PPHLN1: variants seen among roughly 807,000 people sequenced by gnomAD.
PPHLN1 encodes periphilin-1.
PPHLN1 carries 29 observed loss-of-function variants against 51.3 expected under a neutral mutation model. The ratio of observed to expected loss-of-function variants is 0.57; its 90% CI spans 0.42 to 0.77. PPHLN1 has a LOEUF of 0.77. Ranked by LOEUF, PPHLN1 falls within the 30% of genes least tolerant of loss-of-function variation. PPHLN1 has a pLI of 0.00. For missense variants in PPHLN1, 436 were observed against 438.4 expected (o/e 0.99, Z 0.05); for synonymous variants, 147 against 147.8 (o/e 0.99, Z 0.04).
At chr12:42,445,240 A>G (rs530036317), downstream of PPHLN1, 17 of 620,520 alleles carry the variant, frequency 2.7e-5, no homozygotes, top group East Asian at 4.9e-4. Context: ...TCACTGCTTA[A>G]CCAAGCCACC....
chr12:42,426,114 T>G (rs1008680684), intron 9 of PPHLN1, among the ~76,000 whole-genome samples: 4 of 151,086 alleles, frequency 2.6e-5, no homozygotes, highest in African/African-American at 9.8e-5. Flanking sequence ...TAATCCACGT[T>G]TCAAATTTCA....
chr12:42,328,808 C>T (rs1017404886), intron 1 of PPHLN1, among the ~76,000 whole-genome samples: 11 of 152,076 alleles, frequency 7.2e-5, no homozygotes, highest in African/African-American at 2.4e-4. Flanking sequence ...CTCCCAGGTT[C>T]AAGGGATTCT....
chr12:42,347,618 A>C (rs1315330314), intron 2 of PPHLN1, among the ~76,000 whole-genome samples: 1 of 152,164 alleles, frequency 6.6e-6, no homozygotes, highest in Non-Finnish European at 1.5e-5. Flanking sequence ...TGTCTCTACT[A>C]AAAATACAAA....
intron 4 of PPHLN1, among the ~76,000 whole-genome samples, chr12:42,359,883 A>C (rs769006169): frequency 6.6e-6 from 1 of 152,134 alleles, no homozygotes; most frequent in Non-Finnish European, 1.5e-5. Flanking sequence ...TGAGACAGGC[A>C]GATCACATGA....
chr12:42,413,058 T>A (rs1669913), intron 9 of PPHLN1, among the ~76,000 whole-genome samples: 45,806 of 152,124 alleles, frequency 0.3, 7,842 homozygotes, highest in Non-Finnish European at 0.38. Flanking sequence ...ATTTTCTCCC[T>A]TTCTGTGAGT....
At chr12:42,334,276 A>G (rs1015724692) in intron 1 of PPHLN1, among the ~76,000 whole-genome samples, 2 of 152,228 alleles carry the variant, frequency 1.3e-5, no homozygotes, top group Non-Finnish European at 2.9e-5. Flanking sequence ...CATAATGTTA[A>G]AAGCTAATTT....
intron 8 of PPHLN1, among the ~76,000 whole-genome samples, chr12:42,397,392 C>T (rs866878141): frequency 4.6e-5 from 7 of 152,108 alleles, no homozygotes; most frequent in East Asian, 1.9e-4. Flanking sequence ...TACAGTACCT[C>T]GGACATATAT....
At chr12:42,371,347 G>T (rs2138689477) in intron 4 of PPHLN1, among the ~76,000 whole-genome samples, 1 of 151,878 alleles carries the variant, frequency 6.6e-6, no homozygotes, top group African/African-American at 2.4e-5. Flanking sequence ...TACACTCCTG[G>T]GCTCAAGCAG....
downstream of PPHLN1, chr12:42,444,196 G>T (rs2140035557): frequency 6.6e-6 from 1 of 151,672 alleles, no homozygotes. Flanking sequence ...CTAACTTCCT[G>T]GTCAATAAGA....
Position 42,337,799 on chromosome 12 carries a change from T to G in PPHLN1, c.72+1825T>G, listed in dbSNP as rs138867050. On this transcript the variant is annotated intron_variant, in intron 2 of 9. Coordinates refer to ENST00000358314, the MANE Select transcript of PPHLN1 (RefSeq NM_201439.2). ...TTATTTTATTTATTTATTTATTTATTTGGAGATGGAGTCTAACTCTCTTGC... is the reference window on the plus strand; with the variant it reads ...TTATTTTATTTATTTATTTATTTATGTGGAGATGGAGTCTAACTCTCTTGC... 3.9e-4 allele frequency among the ~76,000 whole-genome samples: 59 copies of G among 151,594 alleles called. No individual in the cohort carries two copies. In the East Asian group the frequency reaches 8.7e-3, roughly 22 times the overall value.
At chr12:42,416,302 T>C (rs2080377533) in intron 9 of PPHLN1, among the ~76,000 whole-genome samples, 1 of 152,240 alleles carries the variant, frequency 6.6e-6, no homozygotes, top group Admixed American at 6.5e-5. Context: ...GCTTGAATAG[T>C]CTTGAATAAT....
At chr12:42,407,303 A>T (rs903740283) in intron 9 of PPHLN1, among the ~76,000 whole-genome samples, 9 of 152,222 alleles carry the variant, frequency 5.9e-5, no homozygotes, top group African/African-American at 2.2e-4. Flanking sequence ...CTACAGGGTT[A>T]CAGACATGAC....
intron 9 of PPHLN1, among the ~76,000 whole-genome samples, chr12:42,417,426 G>A (rs540800268): frequency 2.1e-4 from 32 of 152,182 alleles, no homozygotes; most frequent in South Asian, 4.2e-4. Flanking sequence ...ATAGGGAGGA[G>A]GGGGAGTCCT....
At chr12:42,417,198 AAAG>A (rs1292479367) in intron 9 of PPHLN1, among the ~76,000 whole-genome samples, 1 of 152,232 alleles carries the variant, frequency 6.6e-6, no homozygotes, top group African/African-American at 2.4e-5. Flanking sequence ...GGCACTTGTG[AAAG>A]AAGAAGGGTA....
Position 42,441,889 on chromosome 12 carries a change from C to G in PPHLN1, c.*380C>G. The G allele has an allele frequency of 1.0e-6, 1 of 994,954 alleles. No homozygotes were observed. The highest frequency in any genetic ancestry group is 1.2e-6 in the Non-Finnish European group (1 of 835,814). 61.6% of individuals were successfully genotyped at this position (994,954 alleles called of 1,614,324 possible). A position where few individuals can be genotyped will look rare whatever the true frequency, so the allele number is the denominator to read the frequency against. On this transcript the variant is annotated 3_prime_UTR_variant, in exon 10 of 10. Transcript: ENST00000358314. ...TTTATTGACTTGTTGCTTGCTTTTTCTTAGGCTTTGTAACTTGTAATATGT... is the reference window on the plus strand; with the variant it reads ...TTTATTGACTTGTTGCTTGCTTTTTGTTAGGCTTTGTAACTTGTAATATGT...
intron 9 of PPHLN1, among the ~76,000 whole-genome samples, chr12:42,422,664 A>C (rs2081107316): frequency 6.6e-6 from 1 of 152,246 alleles, no homozygotes; most frequent in African/African-American, 2.4e-5. Context: ...AATTTTAATA[A>C]ACATGCTACG....
chr12:42,349,288 T>G (rs1470997965), intron 2 of PPHLN1, among the ~76,000 whole-genome samples: 1 of 152,244 alleles, frequency 6.6e-6, no homozygotes, highest in Non-Finnish European at 1.5e-5. Flanking sequence ...CCATTTCTCA[T>G]TTAGTCCTCA....
chr12:42,368,639 T>A (rs1256449079), intron 4 of PPHLN1, among the ~76,000 whole-genome samples: 1 of 152,182 alleles, frequency 6.6e-6, no homozygotes, highest in African/African-American at 2.4e-5. Flanking sequence ...TCAAAGTTAT[T>A]TACTCACAGA....
At chr12:42,327,343 C>T (rs2068955164) in intron 1 of PPHLN1, among the ~76,000 whole-genome samples, 2 of 152,196 alleles carry the variant, frequency 1.3e-5, no homozygotes, top group African/African-American at 2.4e-5. Context: ...ATTGATAACA[C>T]GTAGATTTTC....
Sources: gnomAD v4.1 joint callset for allele counts (sites outside exome capture counted in the v4.1 genomes callset) on GRCh38, gnomAD v4.1.1 for gene constraint, MANE v1.5 for transcripts, NCBI Gene and HGNC (gene_info 2026-07-23, HGNC 2026-07-21) for gene names.